Variants in DOCK10 observed in about 807,000 individuals in gnomAD.
DOCK10 encodes dedicator of cytokinesis 10.
DOCK10 carries 145 observed loss-of-function variants against 280.1 expected under a neutral mutation model. That is an observed-to-expected ratio of 0.52 (90% confidence interval 0.45 to 0.59). The LOEUF is 0.59. Among genes scored for constraint, DOCK10 ranks in the 20% least tolerant of loss-of-function variants. The pLI is 0.00. For missense variants in DOCK10, 2,368 were observed against 2,651.7 expected (o/e 0.89, Z 2.35); for synonymous variants, 915 against 942.2 (o/e 0.97, Z 0.53).
At chr2:224,964,529 C>T (rs1246626618) in intron 1 of DOCK10, among the ~76,000 whole-genome samples, 5 of 151,648 alleles carry the variant, frequency 3.3e-5, no homozygotes, top group African/African-American at 4.9e-5. Flanking sequence ...AATAGAGACA[C>T]GGTCTCGCCC....
At chr2:224,776,206 C>T (rs1372663753) in intron 51 of DOCK10, among the ~76,000 whole-genome samples, 2 of 152,154 alleles carry the variant, frequency 1.3e-5, no homozygotes, top group Non-Finnish European at 2.9e-5. Flanking sequence ...CATCTGTCTA[C>T]CCATCCACTG....
At chr2:224,853,178 C>T (rs1696873413) in intron 16 of DOCK10, 56 bp from the exon 17 acceptor site, 2 of 1,396,768 alleles carry the variant, frequency 1.4e-6, no homozygotes, top group African/African-American at 2.9e-5. Flanking sequence ...TTAAAGTGAA[C>T]AATAGTTAAC....
chr2:224,777,826 C>T (rs1690983414), intron 51 of DOCK10, among the ~76,000 whole-genome samples: 1 of 152,210 alleles, frequency 6.6e-6, no homozygotes, highest in Non-Finnish European at 1.5e-5. Context: ...ATATTTTCAA[C>T]TTGCTGTTTT....
At chr2:224,838,005 T>G (rs1695705972) in intron 24 of DOCK10, among the ~76,000 whole-genome samples, 174 bp from the exon 25 acceptor site, 1 of 152,196 alleles carries the variant, frequency 6.6e-6, no homozygotes. Context: ...ACTGGGCATT[T>G]AATATCTATA....
chr2:224,994,172 A>G (rs550881992), intron 1 of DOCK10, among the ~76,000 whole-genome samples: 4 of 152,336 alleles, frequency 2.6e-5, no homozygotes, highest in African/African-American at 9.6e-5. Context: ...TATAGAAGCT[A>G]ATGGTGATAT....
intron 1 of DOCK10, among the ~76,000 whole-genome samples, chr2:225,038,977 T>C (rs556410489): frequency 6.6e-6 from 1 of 152,218 alleles, no homozygotes; most frequent in African/African-American, 2.4e-5. Context: ...ATACTTTTTT[T>C]AAAAAGTCTT....
At chr2:224,880,781 A>G (rs1698933063) in intron 7 of DOCK10, among the ~76,000 whole-genome samples, 1 of 152,238 alleles carries the variant, frequency 6.6e-6, no homozygotes, top group Admixed American at 6.5e-5. Flanking sequence ...AATATCAAAG[A>G]GGGAAGCTAC....
At chr2:224,877,693 A>G (rs1379727675) in intron 7 of DOCK10, among the ~76,000 whole-genome samples, 1 of 152,204 alleles carries the variant, frequency 6.6e-6, no homozygotes, top group Non-Finnish European at 1.5e-5. Flanking sequence ...ATCTGTAGAA[A>G]GGAGAAATGG....
intron 31 of DOCK10, 68 bp downstream of exon 31, chr2:224,814,252 A>G (rs1693977373): frequency 1.0e-6 from 1 of 955,940 alleles, no homozygotes; most frequent in African/African-American, 1.7e-5. Context: ...GAAACTGGAA[A>G]TTTATAGTTG....
In DOCK10 at chr2:224,977,410, C is replaced by A. The variant is rs141401218; in HGVS notation, c.124-45742G>T. ...TCCAAAGTGTGAACAGAAAAACATT[C>A]TCTTTCGGGGGAAGGGGAAAGAAAA... On this transcript the variant is annotated intron_variant, in intron 1 of 55. Coordinates refer to ENST00000258390, the MANE Select transcript of DOCK10 (RefSeq NM_014689.3). Among the ~76,000 whole-genome samples the A allele has an allele frequency of 1.3e-3, 201 of 152,242 alleles. 1 individual carries two copies. Among genetic ancestry groups the A allele is most frequent in the African/African-American group, 4.3e-3 (180 of 41,546 alleles).
intron 31 of DOCK10, 79 bp from the exon 32 acceptor site, chr2:224,808,165 C>A: frequency 7.9e-7 from 1 of 1,268,576 alleles, no homozygotes; most frequent in Non-Finnish European, 1.1e-6. Flanking sequence ...TACCAAACAA[C>A]TACCATCAAC....
At chr2:224,769,636 T>A (rs1238798149) in intron 55 of DOCK10, among the ~76,000 whole-genome samples, 3 of 152,190 alleles carry the variant, frequency 2.0e-5, no homozygotes, top group African/African-American at 7.2e-5. Flanking sequence ...ATGCCCACAT[T>A]TTGTGTGCAG....
Position 224,853,034 on chromosome 2 carries a change from G to A in DOCK10, c.1977C>T (p.Tyr659=), listed in dbSNP as rs1312007089. 1.9e-6 allele frequency: 3 copies of A among 1,611,366 alleles called. No individual in the cohort carries two copies. Among genetic ancestry groups the A allele is most frequent in the Non-Finnish European group, 1.7e-6 (2 of 1,178,172 alleles). Residue 659 remains tyrosine (Y), a synonymous_variant, in exon 17 of 56, where the codon TAC becomes TAT. Transcript: ENST00000258390. ...AAGGCCGACAATACTTTGTTGAATC[G>A]TAAACAAATTCTTCCACCTCCACTG... The part of the protein sequence containing the change: ...EPTVEVEEFV[Y]DSTKYCRPYR...
intron 29 of DOCK10, among the ~76,000 whole-genome samples, chr2:224,819,189 C>T (rs1694344161): frequency 6.6e-6 from 1 of 152,196 alleles, no homozygotes; most frequent in African/African-American, 2.4e-5. Context: ...ATTGTAGCTG[C>T]AAAGAGCCAT....
At chr2:224,973,009 T>C (rs1010933322) in intron 1 of DOCK10, among the ~76,000 whole-genome samples, 6 of 152,240 alleles carry the variant, frequency 3.9e-5, no homozygotes, top group African/African-American at 1.4e-4. Flanking sequence ...TTTTTACACA[T>C]TTTATGAAGC....
chr2:224,877,381 A>G (rs1047099955), intron 7 of DOCK10, among the ~76,000 whole-genome samples: 2 of 151,998 alleles, frequency 1.3e-5, no homozygotes, highest in African/African-American at 4.8e-5. Flanking sequence ...GAAGGATTCA[A>G]TAGTGGTGGG....
In DOCK10 at chr2:224,812,384, G is replaced by T. The variant is rs1281426050; in HGVS notation, c.3409+1936C>A. Reference sequence around the variant, plus strand: ...TTGCTTATCAGATTGAGGAGATTTTGGGCTGAGACAATGAGGTTTTCTAGA... The same window carrying T: ...TTGCTTATCAGATTGAGGAGATTTTTGGCTGAGACAATGAGGTTTTCTAGA... On this transcript the variant is annotated intron_variant, in intron 31 of 55. Transcript: ENST00000258390. Among the ~76,000 whole-genome samples, 7 of 152,164 alleles carry T rather than the reference G, an allele frequency of 4.6e-5. No homozygotes were observed. In the South Asian group the frequency reaches 8.3e-4, roughly 18 times the overall value.
intron 26 of DOCK10, among the ~76,000 whole-genome samples, chr2:224,831,571 A>G (rs1695239440): frequency 6.6e-6 from 1 of 152,192 alleles, no homozygotes; most frequent in Admixed American, 6.5e-5. Context: ...AAATAACTCA[A>G]TCTCAAAATT....
intron 1 of DOCK10, among the ~76,000 whole-genome samples, chr2:225,017,412 A>AAG (rs1444148016): frequency 1.6e-5 from 2 of 126,888 alleles, no homozygotes; most frequent in East Asian, 5.0e-4. Flanking sequence ...CAAAGAGAGA[A>AAG]AGAGACAGAC....
Sources: allele counts gnomAD v4.1 joint callset (sites outside exome capture counted in the v4.1 genomes callset), GRCh38; gene constraint gnomAD v4.1.1; transcripts MANE v1.5; gene names NCBI Gene and HGNC (gene_info 2026-07-23, HGNC 2026-07-21).